Variants in SORCS2 observed in about 807,000 individuals in gnomAD.
SORCS2 encodes VPS10 domain-containing receptor SorCS2.
Under a neutral mutation model 141.6 loss-of-function variants are expected in SORCS2, and 100 were observed. The ratio of observed to expected loss-of-function variants is 0.71; its 90% CI spans 0.60 to 0.83. The LOEUF is 0.83. Ranked by LOEUF, SORCS2 falls within the 40% of genes least tolerant of loss-of-function variation. The pLI, the probability that SORCS2 is intolerant of heterozygous loss-of-function variation, is 0.00. For synonymous variants in SORCS2, 789 were observed against 676.9 expected, an observed-to-expected ratio of 1.17 and a Z score of -2.57; for missense variants, 1,646 against 1,560.2, an observed-to-expected ratio of 1.05 and a Z score of -0.93.
At chr4:7,416,683 GACAC>G (rs891096395) in intron 2 of SORCS2, among the ~76,000 whole-genome samples, 77 of 150,228 alleles carry the variant, frequency 5.1e-4, no homozygotes, top group Middle Eastern at 3.5e-3. Context: ...TGCACACTCA[GACAC>G]GCATGCATGC....
chr4:7,280,133 C>T (rs1168431452), intron 1 of SORCS2, among the ~76,000 whole-genome samples: 2 of 152,090 alleles, frequency 1.3e-5, no homozygotes, highest in African/African-American at 2.4e-5. Flanking sequence ...CTCATATTTC[C>T]TAAGGACAAA....
At chr4:7,667,768 A>G (rs1722586130) in intron 8 of SORCS2, among the ~76,000 whole-genome samples, 1 of 152,234 alleles carries the variant, frequency 6.6e-6, no homozygotes, top group East Asian at 1.9e-4. Flanking sequence ...AAGGGGGACC[A>G]GGGGAGCTGG....
intron 2 of SORCS2, among the ~76,000 whole-genome samples, chr4:7,444,909 C>G (rs1357612177): frequency 6.6e-6 from 1 of 152,212 alleles, no homozygotes; most frequent in South Asian, 2.1e-4. Context: ...ACACACCGAA[C>G]GTTTGGCCTG....
chr4:7,589,105 G>C (rs937017733), intron 3 of SORCS2, among the ~76,000 whole-genome samples: 3 of 152,186 alleles, frequency 2.0e-5, no homozygotes, highest in African/African-American at 7.2e-5. Context: ...AAGGGGTTCA[G>C]CAGGCTCGGA....
At chr4:7,633,510 T>C (rs573089839) in intron 3 of SORCS2, among the ~76,000 whole-genome samples, 2 of 152,362 alleles carry the variant, frequency 1.3e-5, no homozygotes, top group East Asian at 3.9e-4. Context: ...TTCCCTCTTC[T>C]GTGCTCCAGC....
chr4:7,524,701 G>T (rs936722908), intron 2 of SORCS2, among the ~76,000 whole-genome samples: 1 of 151,906 alleles, frequency 6.6e-6, no homozygotes, highest in African/African-American at 2.4e-5. Flanking sequence ...GTGCGGCAGT[G>T]CCTCCTTAAC....
At chr4:7,718,466 G>A (rs913918028) in intron 18 of SORCS2, among the ~76,000 whole-genome samples, 7 of 152,234 alleles carry the variant, frequency 4.6e-5, no homozygotes, top group African/African-American at 1.7e-4. Context: ...TTCACACATC[G>A]GGTGGGGGAG....
intron 1 of SORCS2, among the ~76,000 whole-genome samples, chr4:7,388,747 G>T (rs898815986): frequency 6.6e-6 from 1 of 152,192 alleles, no homozygotes; most frequent in Non-Finnish European, 1.5e-5. Context: ...GAGTGGGCAC[G>T]GGAGATCTCC....
At chr4:7,680,307 C>G (rs1461458478) in intron 9 of SORCS2, among the ~76,000 whole-genome samples, 2 of 152,248 alleles carry the variant, frequency 1.3e-5, no homozygotes, top group Non-Finnish European at 2.9e-5. Context: ...ACGTGCCCCA[C>G]CCTCTCCCAG....
At chr4:7,468,764 G>A (rs370049383) in intron 2 of SORCS2, among the ~76,000 whole-genome samples, 1 of 152,156 alleles carries the variant, frequency 6.6e-6, no homozygotes, top group Non-Finnish European at 1.5e-5. Context: ...ATTGTTTGGG[G>A]GAGATTAGGT....
chr4:7,332,295 T>A (rs752649122), intron 1 of SORCS2, among the ~76,000 whole-genome samples: 6 of 152,152 alleles, frequency 3.9e-5, no homozygotes, highest in Non-Finnish European at 7.3e-5. Context: ...GGGGGCCCTG[T>A]CCGCAGGCTC....
chr4:7,367,533 C>T (rs371262540), intron 1 of SORCS2, among the ~76,000 whole-genome samples: 17 of 152,332 alleles, frequency 1.1e-4, no homozygotes, highest in Admixed American at 4.6e-4. Context: ...ACAGCAACGG[C>T]GCCCGGGATG....
chr4:7,385,424 A>T (rs1278476663), intron 1 of SORCS2, among the ~76,000 whole-genome samples: 1 of 152,164 alleles, frequency 6.6e-6, no homozygotes, highest in Non-Finnish European at 1.5e-5. Flanking sequence ...AGCACTGTTG[A>T]AGGGAAGGGG....
intron 3 of SORCS2, among the ~76,000 whole-genome samples, chr4:7,587,896 T>A (rs1277952559): frequency 6.6e-6 from 1 of 152,236 alleles, no homozygotes; most frequent in Non-Finnish European, 1.5e-5. Flanking sequence ...GTCATCTCTG[T>A]AGCAACAACA....
intron 2 of SORCS2, among the ~76,000 whole-genome samples, chr4:7,430,056 C>T (rs1044631835): frequency 8.5e-5 from 13 of 152,090 alleles, no homozygotes; most frequent in African/African-American, 3.1e-4. Flanking sequence ...TCCAGGCCCG[C>T]TTCTCGTTGT....
intron 26 of SORCS2, among the ~76,000 whole-genome samples, chr4:7,738,004 G>A (rs1712335229): frequency 6.6e-6 from 1 of 152,264 alleles, no homozygotes. Flanking sequence ...AAGAGCATGT[G>A]GAGGGAGGTG....
intron 1 of SORCS2, among the ~76,000 whole-genome samples, chr4:7,390,057 C>T (rs1019876631): frequency 1.3e-5 from 2 of 152,280 alleles, no homozygotes; most frequent in African/African-American, 2.4e-5. Context: ...TGGCCAGTCC[C>T]CACTGTGAGG....
intron 3 of SORCS2, among the ~76,000 whole-genome samples, chr4:7,558,987 C>T (rs944823246): frequency 1.3e-5 from 2 of 152,226 alleles, no homozygotes; most frequent in Non-Finnish European, 2.9e-5. Flanking sequence ...CCCTCCTGCC[C>T]CTATCTGGGC....
At chr4:7,739,346 C>A (rs1194091938) in intron 26 of SORCS2, among the ~76,000 whole-genome samples, 2 of 152,148 alleles carry the variant, frequency 1.3e-5, no homozygotes, top group Non-Finnish European at 2.9e-5. Flanking sequence ...CATGCTCACC[C>A]CCAGGCCTTC....
Sources: gnomAD v4.1 joint callset for allele counts (sites outside exome capture counted in the v4.1 genomes callset) on GRCh38, gnomAD v4.1.1 for gene constraint, MANE v1.5 for transcripts, NCBI Gene and HGNC (gene_info 2026-07-23, HGNC 2026-07-21) for gene names.